Variants in NNT observed in about 807,000 individuals in gnomAD.
NNT encodes nicotinamide nucleotide transhydrogenase.
A neutral mutation model predicts 104.8 loss-of-function variants in NNT; 50 were observed. The ratio of observed to expected loss-of-function variants is 0.48; its 90% CI spans 0.38 to 0.60. The LOEUF (loss-of-function observed/expected upper bound fraction) is 0.60, where lower values mean the gene tolerates loss of function less well. NNT is among the 20% of genes least tolerant of loss of function. NNT has a pLI of 0.00. For synonymous variants in NNT, 461 were observed against 490.4 expected (o/e 0.94, Z 0.79); for missense variants, 1,131 against 1,330.7 (o/e 0.85, Z 2.33).
intron 17 of NNT, among the ~76,000 whole-genome samples, chr5:43,670,058 C>T (rs1561308210): frequency 1.3e-5 from 2 of 152,070 alleles, no homozygotes; most frequent in Non-Finnish European, 2.9e-5. Flanking sequence ...GATTTTCTGG[C>T]TTATTTGCAT....
At chr5:43,672,066 T>A (rs13179049) in intron 17 of NNT, among the ~76,000 whole-genome samples, 5,140 of 152,348 alleles carry the variant, frequency 0.034, 132 homozygotes, top group East Asian at 0.12. Flanking sequence ...TTTCTTCCAG[T>A]TGATCGAATT....
At chr5:43,647,899 G>A (rs572919227) in intron 10 of NNT, 1 of 456,096 alleles carries the variant, frequency 2.2e-6, no homozygotes, top group South Asian at 1.6e-5. Flanking sequence ...TTCAGCAGTG[G>A]GTATATTATT....
intron 11 of NNT, 53 bp from the exon 12 acceptor site, chr5:43,650,424 T>G (rs1219189885): frequency 1.6e-6 from 2 of 1,281,686 alleles, no homozygotes; most frequent in African/African-American, 2.9e-5. Context: ...GCTATGATAT[T>G]TGATTTGGTG....
At chr5:43,677,627 G>T (rs1032892867) in intron 18 of NNT, 98 bp from the exon 19 acceptor site, 6 of 1,055,702 alleles carry the variant, frequency 5.7e-6, no homozygotes, top group Admixed American at 1.8e-5. Flanking sequence ...GATTGCCTCT[G>T]TTGGCATAAA....
intron 19 of NNT, among the ~76,000 whole-genome samples, chr5:43,683,678 G>T (rs35370110): frequency 0.034 from 5,140 of 152,276 alleles, 135 homozygotes; most frequent in East Asian, 0.12. Context: ...ATTAGCCATT[G>T]CATTCCAGCA....
intron 19 of NNT, among the ~76,000 whole-genome samples, chr5:43,679,111 T>C (rs1166014527): frequency 1.3e-5 from 2 of 152,200 alleles, no homozygotes; most frequent in Non-Finnish European, 2.9e-5. Flanking sequence ...AGTCTACTTT[T>C]TAGTTACTTA....
At chr5:43,634,911 T>C (rs1750855976) in intron 7 of NNT, among the ~76,000 whole-genome samples, 1 of 152,214 alleles carries the variant, frequency 6.6e-6, no homozygotes, top group Admixed American at 6.5e-5. Context: ...CGTTATACTT[T>C]GGTTTGGTTT....
At position 43,656,638 on chromosome 5, in the gene NNT, T is replaced by C. The variant is rs755566090; in HGVS notation, c.2294-15T>C. On this transcript the variant is annotated splice_polypyrimidine_tract_variant and intron_variant, in intron 15 of 21. Coordinates refer to ENST00000344920, the MANE Select transcript of NNT (RefSeq NM_182977.3). ...AACACATTCTGAATTGTAACTACTA[T>C]GTGCTTGGCTCTAGGTCTCCTGAAA... 1.9e-6 allele frequency: 3 copies of C among 1,594,114 alleles called. No individual in the cohort carries two copies. Among genetic ancestry groups the C allele is most frequent in the African/African-American group, 1.4e-5 (1 of 74,016 alleles).
chr5:43,635,547 A>G lies in NNT; in HGVS notation c.964+7160A>G, dbSNP rs547445034. 5.5e-4 allele frequency among the ~76,000 whole-genome samples: 84 copies of G among 152,322 alleles called. 4 individuals are homozygous for G. The South Asian group carries it at 0.017, about 30-fold the overall frequency. On this transcript the variant is annotated intron_variant, in intron 7 of 21. Coordinates refer to ENST00000344920, the MANE Select transcript of NNT (RefSeq NM_182977.3). ...ATTGTATTAGTGTGCTAGGGCTGCC[A>G]TAACAAAATACCACAGACCTAGTGG...
Position 43,615,840 on chromosome 5 carries a change from T to C in NNT, c.382-8T>C, listed in dbSNP as rs1287506213. 5.1e-6 allele frequency: 8 copies of C among 1,580,866 alleles called. No individual in the cohort carries two copies. Among genetic ancestry groups the C allele is most frequent in the Non-Finnish European group, 6.9e-6 (8 of 1,167,042 alleles). ...TATTTATAATCTGTGACTTGATTTT[T>C]TCCCCAGGTGCGAGCCCCTATGGTT... is the stretch of plus-strand genomic sequence containing the variant. On this transcript the variant is annotated splice_polypyrimidine_tract_variant and splice_region_variant and intron_variant, in intron 3 of 21. Transcript: ENST00000344920.
chr5:43,603,369 C>A (rs558232217), intron 1 of NNT, 75 bp downstream of exon 1: 41 of 152,854 alleles, frequency 2.7e-4, no homozygotes, highest in African/African-American at 8.9e-4. Context: ...GGGGCTCGGG[C>A]CTTTCCTGAA....
chr5:43,681,696 G>A lies in NNT; in HGVS notation c.2876+3890G>A, dbSNP rs554577150. The stretch of plus-strand genomic sequence containing the variant: ...ATTACAGGCGTGAGCCACCGCACCC[G>A]GCCTCAACTTCTTTGATTGACTAGC... On this transcript the variant is annotated intron_variant, in intron 19 of 21. Coordinates refer to ENST00000344920, the MANE Select transcript of NNT (RefSeq NM_182977.3). Among the ~76,000 whole-genome samples, 10 of 152,132 alleles carry A rather than the reference G, an allele frequency of 6.6e-5. No homozygotes were observed. The South Asian group carries it at 1.7e-3, about 25-fold the overall frequency.
intron 16 of NNT, 127 bp from the exon 17 acceptor site, chr5:43,659,044 C>A (rs541810863): frequency 1.1e-6 from 1 of 890,890 alleles, no homozygotes. Context: ...CACTTATTAC[C>A]GGAAGTGGAA....
At chr5:43,654,427 C>T (rs558683987) in intron 14 of NNT, among the ~76,000 whole-genome samples, 14 of 152,308 alleles carry the variant, frequency 9.2e-5, no homozygotes, top group Admixed American at 2.0e-4. Context: ...AATAATCTTC[C>T]AGTATTTGAA....
At chr5:43,681,990 A>G (rs920917347) in intron 19 of NNT, among the ~76,000 whole-genome samples, 6 of 152,094 alleles carry the variant, frequency 3.9e-5, no homozygotes, top group African/African-American at 1.4e-4. Flanking sequence ...ACAACCTGAA[A>G]TATCTTGCAT....
In NNT at chr5:43,707,393, A is replaced by G. The variant is rs1404474833; in HGVS notation, c.*2989A>G. 6.6e-6 allele frequency: 1 copy of G among 152,168 alleles called. No homozygotes were observed. 9.4% of individuals were successfully genotyped at this position (152,168 alleles called of 1,614,324 possible). On this transcript the variant is annotated 3_prime_UTR_variant, in exon 22 of 22. Coordinates refer to ENST00000344920, the MANE Select transcript of NNT (RefSeq NM_182977.3). ...ACACAATAAATACATACATTAAAAA[A>G]TAAGTAAATGTATAAGTTTTTACAC...
intron 5 of NNT, among the ~76,000 whole-genome samples, chr5:43,622,180 C>G (rs577389453): frequency 1.3e-5 from 2 of 152,254 alleles, no homozygotes; most frequent in East Asian, 3.9e-4. Flanking sequence ...AGGATTTTAT[C>G]TGGATTAGGG....
chr5:43,704,280 G>A lies in NNT; in HGVS notation c.3137G>A (p.Gly1046Asp). ...GTGATTGTTATGAAGAGGTCTTTGG[G>A]TGTTGGCTATGCTGCAGTGGACAAT... ...KQVIVMKRSL[G>D]VGYAAVDNPI... Residue 1046 changes from glycine to aspartate, a missense_variant, in exon 22 of 22, where the codon GGT (glycine) becomes GAT (aspartate). Transcript: ENST00000344920. 6.3e-7 allele frequency: 1 copy of A among 1,595,760 alleles called. No individual in the cohort carries two copies.
intron 1 of NNT, among the ~76,000 whole-genome samples, chr5:43,606,021 A>T (rs2111747849): frequency 6.6e-6 from 1 of 152,362 alleles, no homozygotes; most frequent in East Asian, 1.9e-4. Flanking sequence ...ATCTAATCAT[A>T]AAATTTCTAG....
Sources: allele counts gnomAD v4.1 joint callset (sites outside exome capture counted in the v4.1 genomes callset), GRCh38; gene constraint gnomAD v4.1.1; transcripts MANE v1.5; gene names NCBI Gene and HGNC (gene_info 2026-07-23, HGNC 2026-07-21).